Variants in ANKLE2 observed in about 807,000 individuals in gnomAD.
The protein encoded by ANKLE2 is ankyrin repeat and LEM domain-containing protein 2.
A neutral mutation model predicts 84.2 loss-of-function variants in ANKLE2; 55 were observed. The observed-to-expected ratio is 0.65, with a 90% CI of 0.53 to 0.82. The LOEUF is 0.82. ANKLE2 is among the 40% of genes least tolerant of loss of function. The pLI is 0.00. For missense variants in ANKLE2, 1,238 were observed against 1,201.9 expected (o/e 1.03, Z -0.44); for synonymous variants, 551 against 486.1 (o/e 1.13, Z -1.76).
In ANKLE2 at chr12:132,748,346, C is replaced by G. The variant is rs1306402732; in HGVS notation, c.848-15G>C. On this transcript the variant is annotated splice_polypyrimidine_tract_variant and intron_variant, in intron 3 of 12. Coordinates refer to ENST00000357997, the MANE Select transcript of ANKLE2 (RefSeq NM_015114.3). ...GCACAAACCATCTGTCAGTAAGAGA[C>G]AGAATTTAAGAACAATCAGTTTCAC... The G allele has an allele frequency of 3.7e-5, 59 of 1,613,516 alleles. No homozygotes were observed. The highest frequency in any genetic ancestry group is 4.8e-5 in the Non-Finnish European group (57 of 1,179,742).
intron 3 of ANKLE2, among the ~76,000 whole-genome samples, chr12:132,749,606 CA>C (rs1355435900): frequency 1.3e-5 from 2 of 152,216 alleles, no homozygotes; most frequent in Non-Finnish European, 2.9e-5. Context: ...AAGGAGAGGG[CA>C]ACATTCCTCT....
rs1266837666 is a variant in ANKLE2 at position 132,734,591 on chromosome 12, C to T, written c.1701-16G>A. On this transcript the variant is annotated splice_polypyrimidine_tract_variant and intron_variant, in intron 9 of 12. Coordinates refer to ENST00000357997, the MANE Select transcript of ANKLE2 (RefSeq NM_015114.3). ...AGCTAGCTCCCTGTAAGAAACAAAA[C>T]ACAATTAACCAGCTGTGAAACCAGA... 4 of 1,587,854 alleles carry T rather than the reference C, an allele frequency of 2.5e-6. No homozygotes were observed. The Admixed American group carries it at 5.7e-5, about 22-fold the overall frequency.
chr12:132,743,365 ATTC>A lies in ANKLE2; in HGVS notation c.1231-92_1231-90del. 1 of 1,428,200 alleles carries A rather than the reference ATTC, an allele frequency of 7.0e-7. No homozygotes were observed. Among genetic ancestry groups the A allele is most frequent in the Non-Finnish European group, 9.3e-7 (1 of 1,072,070 alleles). The allele number at this position is 1,428,200 out of a possible 1,614,324, so 88.5% of individuals were successfully genotyped here. ...AAAATACATATTCATTCATTCATTC[ATTC>A]ATTTATTTATTTTGAGACGGAGTCT... On this transcript the variant is annotated intron_variant, in intron 5 of 12. Coordinates refer to ENST00000357997, the MANE Select transcript of ANKLE2 (RefSeq NM_015114.3). The surrounding 1 kb of genome is among the most constrained non-coding windows in gnomAD (Gnocchi z 4.1).
Position 132,747,700 on chromosome 12 carries a change from CA to C in ANKLE2, c.1230+131del. ...TGGGATGTGGTAAGAAGGCAGGTTG[CA>C]GGGGTGTAATTGATGTATCTTTTCC... On this transcript the variant is annotated intron_variant, in intron 5 of 12. Transcript: ENST00000357997. 3 of 1,151,070 alleles carry C rather than the reference CA, an allele frequency of 2.6e-6. No homozygotes were observed. The South Asian group carries it at 5.3e-5, about 21-fold the overall frequency. 71.3% of individuals were successfully genotyped at this position (1,151,070 alleles called of 1,614,324 possible). A position where few individuals can be genotyped will look rare whatever the true frequency, so the allele number is the denominator to read the frequency against.
chr12:132,747,341 C>T (rs1426051322), intron 5 of ANKLE2, among the ~76,000 whole-genome samples: 2 of 149,146 alleles, frequency 1.3e-5, no homozygotes, highest in South Asian at 4.3e-4. Flanking sequence ...CACAGCCCTG[C>T]GTGTCAGGCA....
At position 132,729,796 on chromosome 12, in the gene ANKLE2, C is replaced by T. The variant is rs369591537; in HGVS notation, c.2366G>A (p.Arg789Lys). 26 of 1,613,068 alleles carry T rather than the reference C, an allele frequency of 1.6e-5. No individual in the cohort carries two copies. The East Asian group carries it at 3.3e-4, about 21-fold the overall frequency. ...CCTGGCTGACATTTCACTTTCTGTC[C>T]TCCTGTGGCCATTCCCGAGTTGGTC... ...PADQLGNGHR[R>K]TESEMSARIA... Residue 789 changes from arginine to lysine, a missense_variant, in exon 11 of 13, where the codon AGG becomes AAG. Coordinates refer to ENST00000357997, the MANE Select transcript of ANKLE2 (RefSeq NM_015114.3).
intron 2 of ANKLE2, chr12:132,751,058 G>T (rs2044344582): frequency 1.8e-6 from 1 of 553,890 alleles, no homozygotes; most frequent in Admixed American, 3.3e-5. Flanking sequence ...CATGTAACAT[G>T]ATATATATTA....
chr12:132,728,778 C>A (rs890078038), intron 11 of ANKLE2, among the ~76,000 whole-genome samples: 1 of 152,174 alleles, frequency 6.6e-6, no homozygotes, highest in Non-Finnish European at 1.5e-5. Flanking sequence ...AGGATCCACC[C>A]GCTGTTAAAA....
intron 7 of ANKLE2, among the ~76,000 whole-genome samples, chr12:132,741,002 A>G (rs562321413): frequency 6.6e-6 from 1 of 152,256 alleles, no homozygotes; most frequent in Admixed American, 6.5e-5. Flanking sequence ...GACACACAAA[A>G]GCCAGGCCAG....
Position 132,750,834 on chromosome 12 carries a change from T to C in ANKLE2, c.656A>G (p.Tyr219Cys). 2 of 1,614,006 alleles carry C rather than the reference T, an allele frequency of 1.2e-6. No individual in the cohort carries two copies. The highest frequency in any genetic ancestry group is 1.7e-6 in the Non-Finnish European group (2 of 1,179,928). ...TTGCAATGCTTCCTTTTTATTTTCA[T>C]AAACATAGATCCTTTCTGGGTAAGA... ...VPARNERIYV[Y>C]ENKKEALQAV... The change falls in exon 3 of 13, where the codon TAT becomes TGT. Residue 219 changes from tyrosine (Y) to cysteine (C), a missense_variant. By Grantham distance (194) the Tyr-to-Cys change is radical. This residue lies in a region of ANKLE2 where 422 missense variants were observed against 394.5 expected (regional missense o/e 1.07). Coordinates refer to ENST00000357997, the MANE Select transcript of ANKLE2 (RefSeq NM_015114.3).
chr12:132,729,983 G>A lies in ANKLE2; in HGVS notation c.2179C>T (p.Pro727Ser). Reference protein sequence around the residue: ...KAPRGEEAHLPPVSDLTVEFD... With the variant: ...KAPRGEEAHLSPVSDLTVEFD... ...TCAACAGTCAAATCCGAGACAGGTG[G>A]CAGATGGGCTTCCTCCCCACGGGGG... is the stretch of plus-strand genomic sequence containing the variant. Residue 727 changes from proline to serine, a missense_variant, in exon 11 of 13, where the codon CCA (proline) becomes TCA (serine). Transcript: ENST00000357997. 1 of 1,613,398 alleles carries A rather than the reference G, an allele frequency of 6.2e-7. No individual in the cohort carries two copies. The highest frequency in any genetic ancestry group is 8.5e-7 in the Non-Finnish European group (1 of 1,179,908).
At chr12:132,750,549 GAAAACA>G (rs1320992302) in intron 3 of ANKLE2, 88 bp downstream of exon 3, 1 of 1,393,152 alleles carries the variant, frequency 7.2e-7, no homozygotes, top group Middle Eastern at 1.8e-4. Flanking sequence ...CCCTCATGGA[GAAAACA>G]AGTTACCACA....
intron 7 of ANKLE2, among the ~76,000 whole-genome samples, chr12:132,739,199 C>T (rs537946627): frequency 2.0e-5 from 3 of 152,234 alleles, no homozygotes; most frequent in East Asian, 3.9e-4. Flanking sequence ...CCCCAAACCC[C>T]GGTGACATGC....
chr12:132,751,146 T>C (rs2136168469), intron 2 of ANKLE2: 1 of 233,886 alleles, frequency 4.3e-6, no homozygotes. Flanking sequence ...ATAAAAATTA[T>C]TAAAAGGCAA....
rs187093382 is a variant in ANKLE2, at chr12:132,729,203, C to T, written c.2483+476G>A. Reference sequence around the variant, plus strand: ...CCATCTCTACTAAAAATACAAAAATCAGCTAGACGTGGTGGCAGGCGCCTG... The same window carrying T: ...CCATCTCTACTAAAAATACAAAAATTAGCTAGACGTGGTGGCAGGCGCCTG... On this transcript the variant is annotated intron_variant, in intron 11 of 12. Transcript: ENST00000357997. 7.0e-3 allele frequency among the ~76,000 whole-genome samples: 1,050 copies of T among 149,124 alleles called. 3 individuals are homozygous for T. Among genetic ancestry groups the T allele is most frequent in the Non-Finnish European group, 0.011 (748 of 67,356 alleles).
In ANKLE2 at chr12:132,748,254, G is replaced by A; in HGVS notation, c.925C>T (p.Leu309Phe). ...ACAGCTTTCCGAAGCTTGGCGGTGA[G>A]GTCCTGCGTGCGGGGATTTTTGTAA... is the stretch of plus-strand genomic sequence containing the variant. ...NSYKNPRTQD[L>F]TAKLRKAVEK... The change falls in exon 4 of 13, where the codon CTC becomes TTC. Residue 309 changes from leucine to phenylalanine, a missense_variant. By Grantham distance (22) the Leu-to-Phe change is conservative. Around this residue, in one of 3 missense-constraint regions of ANKLE2, gnomAD observed 422 missense variants for 394.5 expected, o/e 1.07. Transcript: ENST00000357997. The A allele has an allele frequency of 1.9e-6, 3 of 1,614,160 alleles. No homozygotes were observed. Among genetic ancestry groups the A allele is most frequent in the African/African-American group, 2.7e-5 (2 of 75,026 alleles).
intron 7 of ANKLE2, 24 bp downstream of exon 7, chr12:132,741,395 C>T (rs767754671): frequency 2.5e-6 from 4 of 1,613,228 alleles, no homozygotes; most frequent in African/African-American, 1.3e-5. Flanking sequence ...ACCCCACGAT[C>T]CAGGCACCAA....
At position 132,761,598 on chromosome 12, in the gene ANKLE2, A is replaced by C; in HGVS notation, c.181+20T>G. The stretch of plus-strand genomic sequence containing the variant: ...GGAAGGGGCCAGGGTGCGGGGACCC[A>C]GCGACCGCCTGGGCCTTACCTGAGG... On this transcript the variant is annotated intron_variant, in intron 1 of 12. Transcript: ENST00000357997. 3 of 1,218,772 alleles carry C rather than the reference A, an allele frequency of 2.5e-6. No individual in the cohort carries two copies. Among genetic ancestry groups the C allele is most frequent in the Non-Finnish European group, 3.1e-6 (3 of 978,518 alleles). The allele number at this position is 1,218,772 out of a possible 1,614,324, so 75.5% of individuals were successfully genotyped here. A position where few individuals can be genotyped will look rare whatever the true frequency, so the allele number is the denominator to read the frequency against.
chr12:132,734,606 G>T, intron 9 of ANKLE2, 31 bp from the exon 10 acceptor site: 1 of 1,571,188 alleles, frequency 6.4e-7, no homozygotes. Context: ...TTAACCAGCT[G>T]TGAAACCAGA....
Sources: gnomAD v4.1 joint callset for allele counts (sites outside exome capture counted in the v4.1 genomes callset) on GRCh38, gnomAD v4.1.1 for gene constraint, gnomAD v4.1.1 regional missense constraint, Gnocchi (gnomAD v3.1) non-coding constraint, MANE v1.5 for transcripts, NCBI Gene and HGNC (gene_info 2026-07-23, HGNC 2026-07-21) for gene names.